The following PLCB4 variants were observed in gnomAD, a reference collection of about 807,000 sequenced individuals.
The protein encoded by PLCB4 is 1-phosphatidylinositol 4,5-bisphosphate phosphodiesterase beta-4.
Under a neutral mutation model 178.8 loss-of-function variants are expected in PLCB4, and 77 were observed. The observed-to-expected ratio is 0.43, with a 90% CI of 0.36 to 0.52. The LOEUF (loss-of-function observed/expected upper bound fraction) is 0.52, where lower values mean the gene tolerates loss of function less well. Ranked by LOEUF, PLCB4 falls within the 20% of genes least tolerant of loss-of-function variation. The pLI is 0.00. For missense variants in PLCB4, 1,024 were observed against 1,453.4 expected (o/e 0.70, Z 4.80); for synonymous variants, 496 against 490.8 (o/e 1.01, Z -0.14).
At chr20:9,367,421 G>A (rs2035878319) in intron 9 of PLCB4, among the ~76,000 whole-genome samples, 1 of 152,106 alleles carries the variant, frequency 6.6e-6, no homozygotes, top group Admixed American at 6.5e-5. Flanking sequence ...ATTGAAAAAA[G>A]CCCTGTTAGC....
intron 2 of PLCB4, among the ~76,000 whole-genome samples, chr20:9,139,378 T>C (rs1450856218): frequency 6.6e-6 from 1 of 152,104 alleles, no homozygotes; most frequent in African/African-American, 2.4e-5. Context: ...TCATATGAGC[T>C]GGAATGCTCA....
chr20:9,211,044 G>T (rs1186004690), intron 2 of PLCB4, among the ~76,000 whole-genome samples: 1 of 152,206 alleles, frequency 6.6e-6, no homozygotes, highest in African/African-American at 2.4e-5. Flanking sequence ...GGCATGGTAT[G>T]ATTTGGGCTA....
chr20:9,224,944 T>C (rs937431297), intron 3 of PLCB4, among the ~76,000 whole-genome samples: 1 of 152,226 alleles, frequency 6.6e-6, no homozygotes, highest in African/African-American at 2.4e-5. Context: ...ATTGACTTGC[T>C]TTCTTTTCCC....
intron 30 of PLCB4, among the ~76,000 whole-genome samples, chr20:9,437,555 T>C (rs1279649640): frequency 6.6e-6 from 1 of 152,188 alleles, no homozygotes; most frequent in East Asian, 1.9e-4. Context: ...AGCCAGTATG[T>C]AGGGAAACAA....
At chr20:9,212,323 A>G (rs1001898746) in intron 2 of PLCB4, among the ~76,000 whole-genome samples, 1 of 152,222 alleles carries the variant, frequency 6.6e-6, no homozygotes, top group Non-Finnish European at 1.5e-5. Flanking sequence ...ATTAAGTCAG[A>G]GTAAAATGAT....
chr20:9,119,765 C>T lies in PLCB4; in HGVS notation c.-79+23423C>T, dbSNP rs902831813. 3.3e-5 allele frequency among the ~76,000 whole-genome samples: 5 copies of T among 152,198 alleles called. No homozygotes were observed. The East Asian group carries it at 5.8e-4, about 18-fold the overall frequency. On this transcript the variant is annotated intron_variant, in intron 2 of 39. Transcript: ENST00000378473. ...GTTGGCAACCATCTGCTAGTGTTTA[C>T]GCAGTACGGTAAGTTTTATAACTCA... is the stretch of plus-strand genomic sequence containing the variant.
chr20:9,213,403 C>T (rs2147253416), intron 2 of PLCB4, among the ~76,000 whole-genome samples: 1 of 152,188 alleles, frequency 6.6e-6, no homozygotes, highest in South Asian at 2.1e-4. Context: ...CCCTGGCCTC[C>T]CAAACTGTTG....
intron 3 of PLCB4, among the ~76,000 whole-genome samples, chr20:9,305,031 G>GC (rs1159302632): frequency 5.1e-5 from 5 of 98,132 alleles, no homozygotes; most frequent in African/African-American, 8.4e-5. Flanking sequence ...ATGCTATCCC[G>GC]CCCCCCTCCC....
intron 3 of PLCB4, among the ~76,000 whole-genome samples, chr20:9,231,296 A>C (rs2093929054): frequency 6.6e-6 from 1 of 152,148 alleles, no homozygotes; most frequent in South Asian, 2.1e-4. Context: ...GGAAACCTCC[A>C]GCTATTATCT....
intron 3 of PLCB4, among the ~76,000 whole-genome samples, chr20:9,230,305 GT>G (rs1568987406): frequency 6.6e-6 from 1 of 152,072 alleles, no homozygotes; most frequent in African/African-American, 2.4e-5. Context: ...GTACTTGGGG[GT>G]TAAGGCTTCA....
intron 7 of PLCB4, among the ~76,000 whole-genome samples, chr20:9,346,861 G>A (rs1022567666): frequency 6.6e-6 from 1 of 152,086 alleles, no homozygotes; most frequent in African/African-American, 2.4e-5. Flanking sequence ...GCCTTACATG[G>A]GCTGTGGTCA....
intron 28 of PLCB4, among the ~76,000 whole-genome samples, chr20:9,432,267 A>C (rs1444691978): frequency 6.6e-6 from 1 of 152,168 alleles, no homozygotes; most frequent in Admixed American, 6.6e-5. Context: ...TGCTTTATTG[A>C]TTCTTTAATG....
intron 2 of PLCB4, among the ~76,000 whole-genome samples, chr20:9,207,705 A>AT (rs1365351683): frequency 6.6e-6 from 1 of 152,200 alleles, no homozygotes; most frequent in Non-Finnish European, 1.5e-5. Flanking sequence ...CCACAATAGG[A>AT]AAGGGATCCA....
chr20:9,222,520 G>A (rs2093812534), intron 3 of PLCB4, among the ~76,000 whole-genome samples: 1 of 152,176 alleles, frequency 6.6e-6, no homozygotes, highest in Non-Finnish European at 1.5e-5. Context: ...TTTTCTTGTA[G>A]CTTCATTAAG....
intron 29 of PLCB4, among the ~76,000 whole-genome samples, chr20:9,436,228 C>T (rs1372334313): frequency 6.6e-6 from 1 of 152,182 alleles, no homozygotes; most frequent in Non-Finnish European, 1.5e-5. Context: ...ATATCCAAAA[C>T]ATTTCTGGTC....
intron 20 of PLCB4, 80 bp from the exon 21 acceptor site, chr20:9,405,233 A>G: frequency 2.9e-6 from 2 of 680,844 alleles, no homozygotes; most frequent in Non-Finnish European, 5.1e-6. Context: ...ACTTATTTAA[A>G]TATCTATGTA....
chr20:9,075,212 A>G (rs1334179843), intron 1 of PLCB4, among the ~76,000 whole-genome samples: 1 of 152,066 alleles, frequency 6.6e-6, no homozygotes, highest in African/African-American at 2.4e-5. Flanking sequence ...CAGAACTCCA[A>G]CTTCTAACCA....
intron 2 of PLCB4, among the ~76,000 whole-genome samples, chr20:9,179,291 G>C (rs1568903334): frequency 6.6e-6 from 1 of 152,066 alleles, no homozygotes; most frequent in Non-Finnish European, 1.5e-5. Flanking sequence ...GAGAGAGGGA[G>C]AGTTCAAAGC....
intron 2 of PLCB4, among the ~76,000 whole-genome samples, chr20:9,119,668 G>A (rs1358720705): frequency 3.9e-5 from 6 of 152,164 alleles, no homozygotes; most frequent in African/African-American, 1.2e-4. Flanking sequence ...AAGCCTACAA[G>A]TTTATTAGTT....
Sources: gnomAD v4.1 joint callset for allele counts (sites outside exome capture counted in the v4.1 genomes callset) on GRCh38, gnomAD v4.1.1 for gene constraint, MANE v1.5 for transcripts, NCBI Gene and HGNC (gene_info 2026-07-23, HGNC 2026-07-21) for gene names.